SERPIND1: variants seen among roughly 807,000 people sequenced by gnomAD.
The protein encoded by SERPIND1 is heparin cofactor 2.
A neutral mutation model predicts 35.0 loss-of-function variants in SERPIND1; 34 were observed. The observed-to-expected ratio is 0.97, with a 90% CI of 0.74 to 1.29. The LOEUF is 1.29. SERPIND1 is among the 50% of genes most tolerant of loss of function. The probability of loss-of-function intolerance (pLI) is 0.00; values close to 1 mark genes in which losing one functional copy is unlikely to be tolerated. For missense variants in SERPIND1, 633 were observed against 637.7 expected (o/e 0.99, Z 0.08); for synonymous variants, 236 against 241.1 (o/e 0.98, Z 0.19).
At chr22:20,784,350 G>C in intron 3 of SERPIND1, 105 bp downstream of exon 3, 1 of 1,489,028 alleles carries the variant, frequency 6.7e-7, no homozygotes, top group Non-Finnish European at 9.2e-7. Context: ...TTATGTACAA[G>C]TACCCAAGAA....
At chr22:20,782,944 T>C (rs1464356079) in intron 2 of SERPIND1, among the ~76,000 whole-genome samples, 2 of 152,006 alleles carry the variant, frequency 1.3e-5, no homozygotes, top group African/African-American at 4.8e-5. Flanking sequence ...CATCTCATCC[T>C]GGCTGCTCTA....
At chr22:20,784,370 A>G (rs897519922) in intron 3 of SERPIND1, 125 bp downstream of exon 3, 185 of 1,290,136 alleles carry the variant, frequency 1.4e-4, no homozygotes, top group Non-Finnish European at 1.9e-4. Context: ...ACTTCCATAC[A>G]GGGCCACTCT....
rs754910028 is a variant in SERPIND1 at position 20,779,623 on chromosome 22, C to G, written c.311C>G (p.Thr104Arg). The G allele has an allele frequency of 3.7e-6, 6 of 1,614,110 alleles. No individual in the cohort carries two copies. Among genetic ancestry groups the G allele is most frequent in the East Asian group, 2.2e-5 (1 of 44,896 alleles). ...GTCGACAGTCTGTCAGTTTCCCCGA[C>G]AGACTCTGATGTGAGTGCTGGGAAC... is the stretch of plus-strand genomic sequence containing the variant. ...DIVDSLSVSP[T>R]DSDVSAGNIL... Residue 104 changes from threonine (T) to arginine (R), a missense_variant, in exon 2 of 5, where the codon ACA becomes AGA. Physicochemically the swap from Thr to Arg is moderately conservative, Grantham distance 71. Transcript: ENST00000215727.
intron 1 of SERPIND1, among the ~76,000 whole-genome samples, chr22:20,777,574 G>T (rs369943019): frequency 6.6e-6 from 1 of 152,132 alleles, no homozygotes; most frequent in African/African-American, 2.4e-5. Flanking sequence ...CACTGGTCTT[G>T]AGCTCCTGGG....
intron 2 of SERPIND1, among the ~76,000 whole-genome samples, chr22:20,781,973 G>T (rs1429242329): frequency 1.3e-5 from 2 of 152,200 alleles, no homozygotes; most frequent in African/African-American, 4.8e-5. Context: ...AGAGCTCAGC[G>T]AATTTGAGGG....
At position 20,780,009 on chromosome 22, in the gene SERPIND1, C is replaced by T. The variant is rs1933639818; in HGVS notation, c.697C>T (p.Leu233=). 3 of 1,614,152 alleles carry T rather than the reference C, an allele frequency of 1.9e-6. No homozygotes were observed. The South Asian group carries it at 3.3e-5, about 18-fold the overall frequency. The change falls in exon 2 of 5, where the codon CTG becomes TTG. Residue 233 remains leucine, a synonymous_variant. Transcript: ENST00000215727. ...DLYIQKQFPI[L]LDFKTKVREY... is the part of the protein sequence containing the mutation. The stretch of plus-strand genomic sequence containing the variant: ...TTATATCCAGAAGCAGTTTCCAATC[C>T]TGCTTGACTTCAAAACTAAAGTAAG...
chr22:20,777,377 G>A lies in SERPIND1; in HGVS notation c.-16-1920G>A, dbSNP rs537097098. On this transcript the variant is annotated intron_variant, in intron 1 of 4. Transcript: ENST00000215727. ...GATTACAGGCATGCGCCACCACGCC[G>A]GCTAATTTTTTTGTATTTTTTGTAG... 2.7e-3 allele frequency among the ~76,000 whole-genome samples: 406 copies of A among 151,980 alleles called. 2 individuals carry two copies. The highest frequency in any genetic ancestry group is 9.4e-3 in the African/African-American group (388 of 41,452).
intron 3 of SERPIND1, among the ~76,000 whole-genome samples, chr22:20,785,068 T>C (rs2007944): frequency 1.7e-4 from 21 of 124,968 alleles, no homozygotes; most frequent in Non-Finnish European, 2.8e-4. Flanking sequence ...GGACTGCATC[T>C]TTTTTTTTTT....
intron 1 of SERPIND1, among the ~76,000 whole-genome samples, chr22:20,776,319 G>A (rs73162805): frequency 0.025 from 3,760 of 152,088 alleles, 53 homozygotes; most frequent in Non-Finnish European, 0.041. Context: ...GTGAGACCCC[G>A]CCGTCTCAAA....
At chr22:20,778,431 G>C (rs1233676876) in intron 1 of SERPIND1, among the ~76,000 whole-genome samples, 3 of 152,214 alleles carry the variant, frequency 2.0e-5, no homozygotes, top group Admixed American at 2.0e-4. Context: ...TTGAGTCCAG[G>C]AGGCCGAAGT....
rs774578733 is a variant in SERPIND1, at chr22:20,786,883, C to A, written c.1317C>A (p.His439Gln). The stretch of plus-strand genomic sequence containing the variant: ...CTTTCCTTTCCAAACAGTTCAAGCA[C>A]CAAGGCACGATCACAGTGAACGAGG... ...DQRIAIDLFK[H>Q]QGTITVNEEG... Residue 439 changes from histidine to glutamine, a missense_variant, in exon 5 of 5, where the codon CAC becomes CAA. Coordinates refer to ENST00000215727, the MANE Select transcript of SERPIND1 (RefSeq NM_000185.4). 3.7e-6 allele frequency: 6 copies of A among 1,614,068 alleles called. No homozygotes were observed. Among genetic ancestry groups the A allele is most frequent in the Non-Finnish European group, 5.1e-6 (6 of 1,180,042 alleles).
intron 1 of SERPIND1, among the ~76,000 whole-genome samples, chr22:20,778,605 T>C (rs1274273810): frequency 6.6e-6 from 1 of 152,172 alleles, no homozygotes; most frequent in Admixed American, 6.5e-5. Flanking sequence ...CTTTAGAATA[T>C]GTTTTCAGAA....
At position 20,783,969 on chromosome 22, in the gene SERPIND1, C is replaced by A. The variant is rs1934001262; in HGVS notation, c.890-3C>A. 3.1e-6 allele frequency: 5 copies of A among 1,614,164 alleles called. No homozygotes were observed. The highest frequency in any genetic ancestry group is 4.2e-6 in the Non-Finnish European group (5 of 1,180,030). On this transcript the variant is annotated splice_region_variant and splice_polypyrimidine_tract_variant and intron_variant, in intron 2 of 4. Coordinates refer to ENST00000215727, the MANE Select transcript of SERPIND1 (RefSeq NM_000185.4). ...TAACAGCCTCTTCCTGTGGCCTTTACAGGATCCTGGGTGAATAAATTCCCA... is the reference window on the plus strand; with the variant it reads ...TAACAGCCTCTTCCTGTGGCCTTTAAAGGATCCTGGGTGAATAAATTCCCA...
At chr22:20,775,194 GA>G (rs797021350) in intron 1 of SERPIND1, among the ~76,000 whole-genome samples, 56 of 138,634 alleles carry the variant, frequency 4.0e-4, no homozygotes, top group Middle Eastern at 3.7e-3. Context: ...AAGTTCCCAG[GA>G]AAAAAAAAAA....
intron 2 of SERPIND1, among the ~76,000 whole-genome samples, 191 bp from the exon 3 acceptor site, chr22:20,783,781 C>A (rs1466757873): frequency 2.0e-5 from 3 of 152,162 alleles, no homozygotes; most frequent in African/African-American, 7.2e-5. Flanking sequence ...GTCCGGGTAA[C>A]CTCTCGTTAA....
chr22:20,787,006 C>T lies in SERPIND1; in HGVS notation c.1440C>T (p.Tyr480=), dbSNP rs763461848. The T allele has an allele frequency of 6.8e-6, 11 of 1,614,148 alleles. No homozygotes were observed. Among genetic ancestry groups the T allele is most frequent in the South Asian group, 4.4e-5 (4 of 91,084 alleles). Residue 480 remains tyrosine (Y), a synonymous_variant, in exon 5 of 5, where the codon TAC becomes TAT. Coordinates refer to ENST00000215727, the MANE Select transcript of SERPIND1 (RefSeq NM_000185.4). Reference sequence around the variant, plus strand: ...ACCGCCCCTTTCTTTTCCTCATCTACGAGCATCGCACCAGCTGCCTGCTCT... The same window carrying T: ...ACCGCCCCTTTCTTTTCCTCATCTATGAGCATCGCACCAGCTGCCTGCTCT... ...TVDRPFLFLI[Y]EHRTSCLLFM...
At chr22:20,782,667 A>T (rs984572017) in intron 2 of SERPIND1, among the ~76,000 whole-genome samples, 1 of 152,202 alleles carries the variant, frequency 6.6e-6, no homozygotes, top group Non-Finnish European at 1.5e-5. Context: ...TTTGTCCCCA[A>T]GGTCTGAAGA....
intron 2 of SERPIND1, among the ~76,000 whole-genome samples, chr22:20,781,956 C>T (rs151092160): frequency 7.4e-4 from 112 of 152,308 alleles, no homozygotes; most frequent in African/African-American, 2.6e-3. Flanking sequence ...CAGAGTGGCA[C>T]ATGACAAGAG....
chr22:20,783,318 C>A (rs1265340167), intron 2 of SERPIND1, among the ~76,000 whole-genome samples: 1 of 151,968 alleles, frequency 6.6e-6, no homozygotes, highest in Non-Finnish European at 1.5e-5. Context: ...AGAGCTGAGG[C>A]TGGCAGGGTG....
Sources: gnomAD v4.1 joint callset for allele counts (sites outside exome capture counted in the v4.1 genomes callset) on GRCh38, gnomAD v4.1.1 for gene constraint, MANE v1.5 for transcripts, NCBI Gene and HGNC (gene_info 2026-07-23, HGNC 2026-07-21) for gene names.